Variants in RIMS1 observed in about 807,000 individuals in gnomAD.
RIMS1 encodes regulating synaptic membrane exocytosis protein 1.
A neutral mutation model predicts 214.1 loss-of-function variants in RIMS1; 83 were observed. The ratio of observed to expected loss-of-function variants is 0.39; its 90% CI spans 0.32 to 0.47. The LOEUF (loss-of-function observed/expected upper bound fraction) is 0.47. RIMS1 is among the 20% of genes least tolerant of loss of function. RIMS1 has a pLI of 0.99. For synonymous variants in RIMS1, 793 were observed against 786.8 expected, an observed-to-expected ratio of 1.01 and a Z score of -0.13; for missense variants, 2,050 against 2,161.8, an observed-to-expected ratio of 0.95 and a Z score of 1.03.
intron 4 of RIMS1, among the ~76,000 whole-genome samples, chr6:72,104,110 A>G (rs752208694): frequency 4.6e-5 from 7 of 152,048 alleles, no homozygotes; most frequent in Non-Finnish European, 1.0e-4. Context: ...CTAAACAGGA[A>G]CTCTGAAATT....
At chr6:72,131,422 G>T (rs1427265189) in intron 4 of RIMS1, among the ~76,000 whole-genome samples, 1 of 152,160 alleles carries the variant, frequency 6.6e-6, no homozygotes, top group South Asian at 2.1e-4. Flanking sequence ...GTACAAAAGA[G>T]AGAAATTTTA....
chr6:71,999,427 A>T lies in RIMS1; in HGVS notation c.245+30364A>T, dbSNP rs141647730. ...TAGTTGGTGGGATGAACAAAAAAAT[A>T]CACAAAGATTCAGTCAAAGATAAGG... On this transcript the variant is annotated intron_variant, in intron 2 of 33. Coordinates refer to ENST00000521978, the MANE Select transcript of RIMS1 (RefSeq NM_014989.7). Among the ~76,000 whole-genome samples the T allele has an allele frequency of 9.9e-5, 15 of 152,262 alleles. No homozygotes were observed. The East Asian group carries it at 2.9e-3, about 29-fold the overall frequency.
chr6:72,372,675 C>T (rs2098255292), intron 29 of RIMS1, among the ~76,000 whole-genome samples: 1 of 152,224 alleles, frequency 6.6e-6, no homozygotes, highest in African/African-American at 2.4e-5. Context: ...CAAACAAAAT[C>T]TCCCTGTTTC....
rs1419495102 is a variant in RIMS1, at chr6:72,182,649, T to TGGCGCTCCCGCGCACCGA, written c.1183_1200dup (p.Leu395_Ala400dup). On this transcript the variant is annotated inframe_insertion, in exon 6 of 34. Transcript: ENST00000521978. ...AGGCACGAGCGGCGCCACAGCGACG[T>TGGCGCTCCCGCGCACCGA]GGCGCTCCCGCGCACCGAGGCGGGC... The TGGCGCTCCCGCGCACCGA allele has an allele frequency of 2.6e-6, 4 of 1,528,698 alleles. No homozygotes were observed. The highest frequency in any genetic ancestry group is 3.5e-6 in the Non-Finnish European group (4 of 1,137,432). The allele number at this position is 1,528,698 out of a possible 1,614,324, so 94.7% of individuals were successfully genotyped here.
intron 29 of RIMS1, among the ~76,000 whole-genome samples, chr6:72,368,326 G>A (rs1253704735): frequency 8.9e-6 from 1 of 112,038 alleles, no homozygotes; most frequent in Non-Finnish European, 1.7e-5. Context: ...TTTTGAGACA[G>A]AGTCTCGCTC....
chr6:72,109,284 C>G lies in RIMS1; in HGVS notation c.471+9298C>G, dbSNP rs1251861619. 3.3e-5 allele frequency among the ~76,000 whole-genome samples: 5 copies of G among 152,006 alleles called. No homozygotes were observed. In the East Asian group the frequency reaches 9.7e-4, roughly 29 times the overall value. On this transcript the variant is annotated intron_variant, in intron 4 of 33. Transcript: ENST00000521978. ...CCCTGAGGAATTGCCACACTGACTT[C>G]CACAATGGTTGAAGTAGTTTACAGT...
Position 72,212,255 on chromosome 6 carries a change from G to A in RIMS1, c.1679-21518G>A, listed in dbSNP as rs1372040254. On this transcript the variant is annotated intron_variant, in intron 6 of 33. Transcript: ENST00000521978. Reference sequence around the variant, plus strand: ...GAATATGCATCTCATTTATCAGAAGGTACAGCTCTTCATATTTCAGAAATG... The same window carrying A: ...GAATATGCATCTCATTTATCAGAAGATACAGCTCTTCATATTTCAGAAATG... Among the ~76,000 whole-genome samples, 9 of 151,384 alleles carry A rather than the reference G, an allele frequency of 5.9e-5. No individual in the cohort carries two copies. The East Asian group carries it at 1.5e-3, about 26-fold the overall frequency.
intron 4 of RIMS1, among the ~76,000 whole-genome samples, chr6:72,158,291 A>G (rs2044722850): frequency 7.1e-6 from 1 of 141,086 alleles, no homozygotes; most frequent in African/African-American, 2.5e-5. Context: ...ATTTTCCTAC[A>G]TCACCAAAGT....
At chr6:71,992,460 T>TTC (rs1044625333) in intron 2 of RIMS1, among the ~76,000 whole-genome samples, 1 of 147,754 alleles carries the variant, frequency 6.8e-6, no homozygotes, top group African/African-American at 2.5e-5. Flanking sequence ...CTCTTTCTCT[T>TTC]TCTTTCTCCT....
At chr6:72,046,371 T>A (rs1196977117) in intron 2 of RIMS1, among the ~76,000 whole-genome samples, 1 of 152,086 alleles carries the variant, frequency 6.6e-6, no homozygotes, top group Non-Finnish European at 1.5e-5. Context: ...ACTTTGACCA[T>A]GTTTAGATGC....
At chr6:71,971,551 A>G (rs890912844) in intron 2 of RIMS1, among the ~76,000 whole-genome samples, 1 of 152,304 alleles carries the variant, frequency 6.6e-6, no homozygotes, top group African/African-American at 2.4e-5. Flanking sequence ...AAATCTAGGC[A>G]TAGATGGTGT....
chr6:71,933,168 G>A (rs1783545082), intron 1 of RIMS1, among the ~76,000 whole-genome samples: 1 of 152,134 alleles, frequency 6.6e-6, no homozygotes, highest in South Asian at 2.1e-4. Context: ...AAGCAGTGAA[G>A]GGTGGAAAAA....
In RIMS1 at chr6:71,989,673, C is replaced by T. The variant is rs369254662; in HGVS notation, c.245+20610C>T. On this transcript the variant is annotated intron_variant, in intron 2 of 33. Coordinates refer to ENST00000521978, the MANE Select transcript of RIMS1 (RefSeq NM_014989.7). ...ATTACATTTGGTCGTAATCATTGATCGATTCATTAATTCAGTAGATATATG... is the reference window on the plus strand; with the variant it reads ...ATTACATTTGGTCGTAATCATTGATTGATTCATTAATTCAGTAGATATATG... Among the ~76,000 whole-genome samples, 13 of 152,228 alleles carry T rather than the reference C, an allele frequency of 8.5e-5. No homozygotes were observed. In the South Asian group the frequency reaches 1.9e-3, roughly 22 times the overall value.
chr6:72,341,051 A>T (rs1564286294), intron 29 of RIMS1, among the ~76,000 whole-genome samples: 2 of 152,008 alleles, frequency 1.3e-5, no homozygotes, highest in Non-Finnish European at 1.5e-5. Context: ...AGCAATTGTG[A>T]ATGGGAGTTC....
intron 4 of RIMS1, among the ~76,000 whole-genome samples, chr6:72,148,247 C>G (rs1235946994): frequency 6.6e-6 from 1 of 152,070 alleles, no homozygotes; most frequent in African/African-American, 2.4e-5. Context: ...ATTTATTTTC[C>G]AAAGAGTCCC....
intron 4 of RIMS1, among the ~76,000 whole-genome samples, chr6:72,122,039 G>A (rs1386612171): frequency 1.3e-5 from 2 of 151,838 alleles, no homozygotes; most frequent in East Asian, 3.9e-4. Context: ...TTGATGTGCT[G>A]CTGGATTTGG....
chr6:72,142,425 C>T (rs1390261500), intron 4 of RIMS1, among the ~76,000 whole-genome samples: 1 of 151,994 alleles, frequency 6.6e-6, no homozygotes, highest in Non-Finnish European at 1.5e-5. Context: ...TGTATTTTAA[C>T]AGGTTAGATG....
chr6:72,113,326 C>G (rs893435926), intron 4 of RIMS1, among the ~76,000 whole-genome samples: 3 of 152,106 alleles, frequency 2.0e-5, no homozygotes, highest in Admixed American at 6.6e-5. Flanking sequence ...CCAAAATTTT[C>G]TCAAGGTTTC....
At chr6:72,222,050 GT>G (rs1328428969) in intron 6 of RIMS1, among the ~76,000 whole-genome samples, 2 of 151,824 alleles carry the variant, frequency 1.3e-5, no homozygotes, top group African/African-American at 4.8e-5. Context: ...GGAACGTTTT[GT>G]TATGGATTTA....
Sources: gnomAD v4.1 joint callset for allele counts (sites outside exome capture counted in the v4.1 genomes callset) on GRCh38, gnomAD v4.1.1 for gene constraint, MANE v1.5 for transcripts, NCBI Gene and HGNC (gene_info 2026-07-23, HGNC 2026-07-21) for gene names.